Variants in DNAH11 observed in about 807,000 individuals in gnomAD.
DNAH11 encodes axonemal beta dynein heavy chain 11.
A neutral mutation model predicts 526.0 loss-of-function variants in DNAH11; 442 were observed. That is an observed-to-expected ratio of 0.84 (90% CI 0.78 to 0.91). The LOEUF (loss-of-function observed/expected upper bound fraction) is 0.91. DNAH11 is among the 40% of genes least tolerant of loss of function. The pLI is 0.00. For synonymous variants in DNAH11, 2,461 were observed against 1,935.9 expected (o/e 1.27, Z -7.12); for missense variants, 6,989 against 5,448.7 (o/e 1.28, Z -8.90).
intron 2 of DNAH11, among the ~76,000 whole-genome samples, chr7:21,553,998 A>G (rs971821853): frequency 6.6e-6 from 1 of 151,882 alleles, no homozygotes; most frequent in East Asian, 1.9e-4. Context: ...TCTAATCTGG[A>G]GTATTTTCTT....
At chr7:21,842,892 G>A in intron 66 of DNAH11, 144 bp downstream of exon 66, 1 of 725,070 alleles carries the variant, frequency 1.4e-6, no homozygotes, top group Admixed American at 3.1e-5. Flanking sequence ...CATGTTAAAA[G>A]TTAAACAATT....
At chr7:21,759,865 T>C (rs1786819489) in intron 54 of DNAH11, among the ~76,000 whole-genome samples, 1 of 152,132 alleles carries the variant, frequency 6.6e-6, no homozygotes, top group Non-Finnish European at 1.5e-5. Flanking sequence ...ATAACACCTG[T>C]GTGGGCAAAA....
At chr7:21,879,997 A>G (rs1783854621) in intron 74 of DNAH11, among the ~76,000 whole-genome samples, 1 of 151,358 alleles carries the variant, frequency 6.6e-6, no homozygotes, top group Non-Finnish European at 1.5e-5. Flanking sequence ...AGGCAGGAGA[A>G]TTACTTGAAC....
At position 21,899,461 on chromosome 7, in the gene DNAH11, G is replaced by A. The variant is rs779064343; in HGVS notation, c.13162+13G>A. On this transcript the variant is annotated intron_variant, in intron 80 of 81. Transcript: ENST00000409508. ...TCCTTCTTAACTGGTAAGGGCTGAC[G>A]CAGTGCAGCCCCTGATGCACACAGG... is the stretch of plus-strand genomic sequence containing the variant. The A allele has an allele frequency of 2.3e-5, 37 of 1,597,012 alleles. No homozygotes were observed. The highest frequency in any genetic ancestry group is 3.3e-5 in the South Asian group (3 of 90,398).
intron 65 of DNAH11, among the ~76,000 whole-genome samples, chr7:21,836,189 A>G (rs1781990718): frequency 6.6e-6 from 1 of 152,168 alleles, no homozygotes; most frequent in South Asian, 2.1e-4. Flanking sequence ...AGTGATCTAC[A>G]CGTTCAATGT....
intron 44 of DNAH11, among the ~76,000 whole-genome samples, chr7:21,721,119 C>T (rs576608988): frequency 9.9e-5 from 15 of 152,284 alleles, no homozygotes; most frequent in Admixed American, 3.9e-4. Context: ...TCTGGGGCCT[C>T]GCCTTCAGCA....
At chr7:21,616,755 AG>A (rs1287543572) in intron 22 of DNAH11, among the ~76,000 whole-genome samples, 1 of 152,194 alleles carries the variant, frequency 6.6e-6, no homozygotes, top group Non-Finnish European at 1.5e-5. Context: ...TGGTATCCCA[AG>A]GGGGCTCAAC....
chr7:21,865,230 A>G (rs947756639), intron 70 of DNAH11, among the ~76,000 whole-genome samples: 3 of 152,218 alleles, frequency 2.0e-5, no homozygotes, highest in African/African-American at 7.2e-5. Flanking sequence ...GATGTTCAAC[A>G]TATGCTAAGC....
chr7:21,892,358 T>G, intron 76 of DNAH11, 67 bp from the exon 77 acceptor site: 1 of 1,548,318 alleles, frequency 6.5e-7, no homozygotes, highest in Non-Finnish European at 8.7e-7. Flanking sequence ...CTTCTCGAAG[T>G]GTTGAGGAAG....
chr7:21,869,915 AG>A (rs1783431971), intron 73 of DNAH11, among the ~76,000 whole-genome samples: 1 of 152,156 alleles, frequency 6.6e-6, no homozygotes, highest in Non-Finnish European at 1.5e-5. Flanking sequence ...GGCCAGCATT[AG>A]GGGGCACCTG....
intron 23 of DNAH11, 101 bp from the exon 24 acceptor site, chr7:21,618,999 C>G (rs1583534432): frequency 6.9e-7 from 1 of 1,442,030 alleles, no homozygotes; most frequent in East Asian, 2.3e-5. Flanking sequence ...CAGCACCTGA[C>G]TTGAGTATAT....
At chr7:21,793,923 G>C (rs543670695) in intron 61 of DNAH11, among the ~76,000 whole-genome samples, 2 of 152,012 alleles carry the variant, frequency 1.3e-5, no homozygotes, top group African/African-American at 4.8e-5. Context: ...GCTCTTTTGA[G>C]GTCATTCTCT....
chr7:21,706,055 C>G (rs1487501840), intron 39 of DNAH11, among the ~76,000 whole-genome samples: 3 of 152,078 alleles, frequency 2.0e-5, no homozygotes, highest in Admixed American at 1.3e-4. Flanking sequence ...TTCAGTACTC[C>G]CTCAGAAATA....
chr7:21,866,698 G>C (rs929117228), intron 71 of DNAH11, 35 bp downstream of exon 71: 1 of 1,571,834 alleles, frequency 6.4e-7, no homozygotes, highest in African/African-American at 1.4e-5. Flanking sequence ...ACATGTATTA[G>C]TTAACATAGA....
chr7:21,622,075 G>C (rs1316489468), intron 25 of DNAH11, among the ~76,000 whole-genome samples: 3 of 152,144 alleles, frequency 2.0e-5, no homozygotes, highest in African/African-American at 7.2e-5. Flanking sequence ...AAACCCCATT[G>C]TCTCAGCCCA....
At chr7:21,717,633 A>C in intron 42 of DNAH11, 142 bp from the exon 43 acceptor site, 5 of 932,558 alleles carry the variant, frequency 5.4e-6, no homozygotes, top group Non-Finnish European at 7.7e-6. Context: ...AAATATTTGC[A>C]GTTTGAAAAA....
At chr7:21,543,880 A>G in intron 1 of DNAH11, 1 of 464,364 alleles carries the variant, frequency 2.2e-6, no homozygotes, top group Non-Finnish European at 3.8e-6. Context: ...CGCTTTCTTT[A>G]GCTGCTTGGG....
At chr7:21,754,784 C>A (rs1299330447) in intron 54 of DNAH11, among the ~76,000 whole-genome samples, 3 of 152,156 alleles carry the variant, frequency 2.0e-5, no homozygotes, top group Non-Finnish European at 4.4e-5. Context: ...TGGTCAGCAC[C>A]ATGACCTCTT....
At position 21,670,475 on chromosome 7, in the gene DNAH11, T is replaced by G. The variant is rs187888393; in HGVS notation, c.5329-11071T>G. Among the ~76,000 whole-genome samples the G allele has an allele frequency of 2.0e-4, 30 of 152,316 alleles. No individual in the cohort carries two copies. The South Asian group carries it at 4.6e-3, about 23-fold the overall frequency. On this transcript the variant is annotated intron_variant, in intron 30 of 81. Coordinates refer to ENST00000409508, the MANE Select transcript of DNAH11 (RefSeq NM_001277115.2). ...TTCCTGTGTACAGAAATACATCATC[T>G]GTAAGTAATGACAGTTTTCTTCTCT...
Sources: gnomAD v4.1 joint callset for allele counts (sites outside exome capture counted in the v4.1 genomes callset) on GRCh38, gnomAD v4.1.1 for gene constraint, MANE v1.5 for transcripts, NCBI Gene and HGNC (gene_info 2026-07-23, HGNC 2026-07-21) for gene names.